Variants in LHFPL3 observed in about 807,000 individuals in gnomAD.
LHFPL3 encodes LHFPL tetraspan subfamily member 3.
LHFPL3 carries 5 observed loss-of-function variants against 19.3 expected under a neutral mutation model. That is an observed-to-expected ratio of 0.26 (90% confidence interval 0.14 to 0.54). LHFPL3 has a LOEUF of 0.54. Among genes scored for constraint, LHFPL3 ranks in the 20% least tolerant of loss-of-function variants. The pLI is 0.94. For synonymous variants in LHFPL3, 133 were observed against 126.2 expected (o/e 1.05, Z -0.36); for missense variants, 249 against 307.4 (o/e 0.81, Z 1.42).
Position 104,641,209 on chromosome 7 carries a change from A to T in LHFPL3, c.446-95466A>T, listed in dbSNP as rs1791826823. 2.0e-5 allele frequency among the ~76,000 whole-genome samples: 3 copies of T among 152,374 alleles called. No homozygotes were observed. In the South Asian group the frequency reaches 6.2e-4, roughly 32 times the overall value. On this transcript the variant is annotated intron_variant, in intron 1 of 2. Transcript: ENST00000424859. ...AACAACCAAAAGTAATAAAAGTTTT[A>T]GAGTCCAGATACATCAGGCATTACT...
At chr7:104,798,797 A>G (rs1209552761) in intron 2 of LHFPL3, among the ~76,000 whole-genome samples, 3 of 152,140 alleles carry the variant, frequency 2.0e-5, no homozygotes, top group Non-Finnish European at 4.4e-5. Flanking sequence ...CCATATATTC[A>G]TCTACATCTT....
chr7:104,411,916 T>G (rs1791542274), intron 1 of LHFPL3, among the ~76,000 whole-genome samples: 1 of 152,184 alleles, frequency 6.6e-6, no homozygotes, highest in African/African-American at 2.4e-5. Flanking sequence ...TTTTTAAAAA[T>G]CTGATTCAAA....
At chr7:104,713,149 A>G (rs1793325910) in intron 1 of LHFPL3, among the ~76,000 whole-genome samples, 1 of 152,204 alleles carries the variant, frequency 6.6e-6, no homozygotes, top group African/African-American at 2.4e-5. Context: ...TTGATCTACA[A>G]CATGAATTAA....
At chr7:104,467,250 T>G (rs1792808119) in intron 1 of LHFPL3, among the ~76,000 whole-genome samples, 1 of 152,128 alleles carries the variant, frequency 6.6e-6, no homozygotes, top group Non-Finnish European at 1.5e-5. Context: ...ACATGTTTGG[T>G]GCAACAGTCA....
intron 1 of LHFPL3, among the ~76,000 whole-genome samples, chr7:104,503,557 T>A (rs1023757221): frequency 1.3e-5 from 2 of 152,226 alleles, no homozygotes; most frequent in African/African-American, 4.8e-5. Context: ...AAGAGTTTTT[T>A]ATTTTAATTT....
At chr7:104,723,672 A>G (rs1384931369) in intron 1 of LHFPL3, among the ~76,000 whole-genome samples, 1 of 147,900 alleles carries the variant, frequency 6.8e-6, no homozygotes, top group African/African-American at 2.5e-5. Context: ...CAGTGAGCCA[A>G]GATTGCACCA....
At chr7:104,770,554 C>T (rs1584525005) in intron 2 of LHFPL3, among the ~76,000 whole-genome samples, 1 of 152,346 alleles carries the variant, frequency 6.6e-6, no homozygotes, top group East Asian at 1.9e-4. Context: ...AGCTTCGTAC[C>T]ATTCTCAGAA....
intron 1 of LHFPL3, among the ~76,000 whole-genome samples, chr7:104,497,978 C>T (rs1021226763): frequency 6.6e-6 from 1 of 151,974 alleles, no homozygotes; most frequent in Non-Finnish European, 1.5e-5. Context: ...GTGGGGTGAA[C>T]CAAAGGCCTG....
chr7:104,833,052 A>ATATATC (rs1554349419), intron 2 of LHFPL3, among the ~76,000 whole-genome samples: 1 of 7,206 alleles, frequency 1.4e-4, no homozygotes, highest in East Asian at 4.0e-3. Flanking sequence ...TATTATATAT[A>ATATATC]TATTATATAT....
intron 1 of LHFPL3, among the ~76,000 whole-genome samples, chr7:104,727,213 G>A (rs555728418): frequency 1.3e-5 from 2 of 152,240 alleles, no homozygotes; most frequent in South Asian, 4.1e-4. Context: ...GTCCCTCGTA[G>A]ATTCTAAATA....
intron 1 of LHFPL3, among the ~76,000 whole-genome samples, chr7:104,491,005 ACTTGGAAT>A (rs1793334268): frequency 1.3e-5 from 2 of 152,086 alleles, no homozygotes; most frequent in African/African-American, 2.4e-5. Context: ...CCTGTACAGA[ACTTGGAAT>A]CTTGGAATCT....
chr7:104,748,630 C>A (rs1794095776), intron 2 of LHFPL3, among the ~76,000 whole-genome samples: 1 of 151,156 alleles, frequency 6.6e-6, no homozygotes, highest in Admixed American at 6.6e-5. Flanking sequence ...CCTTTGTTCA[C>A]GTGTTTGTCT....
chr7:104,393,182 T>G (rs1457455820), intron 1 of LHFPL3, among the ~76,000 whole-genome samples: 5 of 152,142 alleles, frequency 3.3e-5, no homozygotes, highest in African/African-American at 9.7e-5. Context: ...ATGTTGAGGT[T>G]GCAGAGAAAT....
At chr7:104,774,852 CAT>C (rs928621956) in intron 2 of LHFPL3, among the ~76,000 whole-genome samples, 16 of 152,174 alleles carry the variant, frequency 1.1e-4, no homozygotes, top group African/African-American at 3.9e-4. Context: ...GGAGGCAAAA[CAT>C]ATGAGTTTTA....
chr7:104,332,701 A>ATTTTC (rs1368155683), intron 1 of LHFPL3, among the ~76,000 whole-genome samples: 1 of 152,150 alleles, frequency 6.6e-6, no homozygotes, highest in East Asian at 1.9e-4. Context: ...AGCACATTTA[A>ATTTTC]TTTTCGTGCC....
chr7:104,587,829 G>T (rs1790612855), intron 1 of LHFPL3, among the ~76,000 whole-genome samples: 3 of 152,160 alleles, frequency 2.0e-5, no homozygotes, highest in South Asian at 4.2e-4. Flanking sequence ...GTGTGAGATG[G>T]TATCTCATTG....
intron 1 of LHFPL3, among the ~76,000 whole-genome samples, chr7:104,568,813 T>C (rs1790172660): frequency 6.6e-6 from 1 of 152,206 alleles, no homozygotes; most frequent in African/African-American, 2.4e-5. Flanking sequence ...AGAATTCATC[T>C]CCTAAAGCAT....
chr7:104,663,202 G>C (rs4357228), intron 1 of LHFPL3, among the ~76,000 whole-genome samples: 141,860 of 152,282 alleles, frequency 0.93, 66,751 homozygotes, highest in Non-Finnish European at 1. Context: ...ATTGGAATCT[G>C]AAATGCTTTA....
At chr7:104,585,128 T>A (rs1480370552) in intron 1 of LHFPL3, among the ~76,000 whole-genome samples, 1 of 152,068 alleles carries the variant, frequency 6.6e-6, no homozygotes, top group Non-Finnish European at 1.5e-5. Flanking sequence ...TTGAGTAATC[T>A]TCTACCTGTC....
Sources: gnomAD v4.1 joint callset for allele counts (sites outside exome capture counted in the v4.1 genomes callset) on GRCh38, gnomAD v4.1.1 for gene constraint, MANE v1.5 for transcripts, NCBI Gene and HGNC (gene_info 2026-07-23, HGNC 2026-07-21) for gene names.